Variants in SLC25A33 observed in about 807,000 individuals in gnomAD.
SLC25A33 encodes the protein bone marrow stromal cell mitochondrial carrier protein.
A neutral mutation model predicts 35.5 loss-of-function variants in SLC25A33; 15 were observed. That is an observed-to-expected ratio of 0.42 (90% CI 0.28 to 0.65). The LOEUF (loss-of-function observed/expected upper bound fraction) is 0.65. Among genes scored for constraint, SLC25A33 ranks in the 30% least tolerant of loss-of-function variants. The pLI is 0.20. For synonymous variants in SLC25A33, 136 were observed against 148.7 expected (o/e 0.91, Z 0.62); for missense variants, 257 against 398.5 (o/e 0.64, Z 3.02).
At chr1:9,549,729 T>G (rs977644830) in intron 1 of SLC25A33, among the ~76,000 whole-genome samples, 8 of 150,564 alleles carry the variant, frequency 5.3e-5, no homozygotes, top group Non-Finnish European at 1.2e-4. Flanking sequence ...CAAGGGATTC[T>G]CCTGCCTCAG....
At chr1:9,581,482 A>G (rs1041840448) in intron 6 of SLC25A33, among the ~76,000 whole-genome samples, 4 of 152,194 alleles carry the variant, frequency 2.6e-5, no homozygotes, top group African/African-American at 4.8e-5. Context: ...TAATCCCAGC[A>G]CTTTGGGAGG....
At chr1:9,541,011 C>A (rs1256233113) in intron 1 of SLC25A33, among the ~76,000 whole-genome samples, 3 of 151,802 alleles carry the variant, frequency 2.0e-5, no homozygotes, top group Non-Finnish European at 4.4e-5. Context: ...AGGGAGTCTT[C>A]CTCTGTCGCC....
Position 9,570,261 on chromosome 1 carries a change from T to C in SLC25A33, c.318T>C (p.Ala106=), listed in dbSNP as rs774986452. 2 of 1,613,348 alleles carry C rather than the reference T, an allele frequency of 1.2e-6. No individual in the cohort carries two copies. The highest frequency in any genetic ancestry group is 1.7e-6 in the Non-Finnish European group (2 of 1,179,570). ...PNLVGVAPSR[A]VYFACYSKAK... ...AATGTTCTCTTTGTTCTAACAGGGC[T>C]GTATACTTTGCATGTTACTCCAAAG... The change falls in exon 4 of 7, where the codon GCT becomes GCC. Residue 106 remains alanine (A), a synonymous_variant. Coordinates refer to ENST00000302692, the MANE Select transcript of SLC25A33 (RefSeq NM_032315.3).
At chr1:9,567,780 G>A (rs1378209563) in intron 3 of SLC25A33, among the ~76,000 whole-genome samples, 1 of 152,174 alleles carries the variant, frequency 6.6e-6, no homozygotes, top group Non-Finnish European at 1.5e-5. Flanking sequence ...CTGATCCAGA[G>A]GAATTGTAAA....
rs1191722410 is a variant in SLC25A33, at chr1:9,578,614, G to A, written c.483-1340G>A. On this transcript the variant is annotated intron_variant, in intron 5 of 6. Transcript: ENST00000302692. This position sits in a 1 kb window ranked among gnomAD's most constrained non-coding sequence, Gnocchi z 4.3. ...AATAAGTAGCCTCACCAACAGGTTG[G>A]AATGTTCCTATTTTTCTTTCTTATT... is the stretch of plus-strand genomic sequence containing the variant. Among the ~76,000 whole-genome samples the A allele has an allele frequency of 6.6e-6, 1 of 152,174 alleles. No homozygotes were observed. The highest frequency in any genetic ancestry group is 1.5e-5 in the Non-Finnish European group (1 of 68,032).
In SLC25A33 at chr1:9,539,540, G is replaced by A; in HGVS notation, c.-152G>A. ...CGCCGCGGAAGGCGCGGGCCGAGCAGAGCCGGGCGTTGGAGCCCGCGCGCG... is the reference window on the plus strand; with the variant it reads ...CGCCGCGGAAGGCGCGGGCCGAGCAAAGCCGGGCGTTGGAGCCCGCGCGCG... On this transcript the variant is annotated 5_prime_UTR_variant, in exon 1 of 7. Coordinates refer to ENST00000302692, the MANE Select transcript of SLC25A33 (RefSeq NM_032315.3). 1 of 424,892 alleles carries A rather than the reference G, an allele frequency of 2.4e-6. No homozygotes were observed. Among genetic ancestry groups the A allele is most frequent in the Non-Finnish European group, 3.6e-6 (1 of 279,686 alleles). The allele number at this position is 424,892 out of a possible 1,614,324, so 26.3% of individuals were successfully genotyped here.
intron 1 of SLC25A33, among the ~76,000 whole-genome samples, chr1:9,552,910 C>CTTT (rs58092940): frequency 2.0e-3 from 188 of 94,180 alleles, no homozygotes; most frequent in East Asian, 2.7e-3. Context: ...GGGATTTCAA[C>CTTT]TTTTTTTTTT....
In SLC25A33 at chr1:9,544,718, A is replaced by G. The variant is rs1457383609; in HGVS notation, c.56+4971A>G. Among the ~76,000 whole-genome samples, 3 of 152,212 alleles carry G rather than the reference A, an allele frequency of 2.0e-5. No individual in the cohort carries two copies. In the South Asian group the frequency reaches 6.2e-4, roughly 31 times the overall value. Reference sequence around the variant, plus strand: ...GGATTGCAGGATGTCTGGCAGTATCATTTGTTGGCAAAATGTGGATAAGCT... The same window carrying G: ...GGATTGCAGGATGTCTGGCAGTATCGTTTGTTGGCAAAATGTGGATAAGCT... On this transcript the variant is annotated intron_variant, in intron 1 of 6. Coordinates refer to ENST00000302692, the MANE Select transcript of SLC25A33 (RefSeq NM_032315.3).
At chr1:9,560,110 G>T (rs372175916) in intron 2 of SLC25A33, among the ~76,000 whole-genome samples, 23 of 152,128 alleles carry the variant, frequency 1.5e-4, no homozygotes, top group African/African-American at 5.5e-4. Flanking sequence ...AAACCAGCCG[G>T]ACATGGCAGC....
intron 4 of SLC25A33, 146 bp downstream of exon 4, chr1:9,570,504 TAGG>T: frequency 3.0e-6 from 2 of 662,802 alleles, no homozygotes; most frequent in Non-Finnish European, 5.1e-6. Context: ...TTACAACCAA[TAGG>T]AGAGTGAGAG....
intron 1 of SLC25A33, among the ~76,000 whole-genome samples, chr1:9,545,507 C>G (rs1457904424): frequency 6.6e-6 from 1 of 152,056 alleles, no homozygotes; most frequent in African/African-American, 2.4e-5. Flanking sequence ...AAGCGATTCT[C>G]CTGCCTCAGC....
intron 2 of SLC25A33, among the ~76,000 whole-genome samples, chr1:9,560,777 T>C (rs955827994): frequency 6.6e-5 from 10 of 151,920 alleles, no homozygotes; most frequent in Non-Finnish European, 1.3e-4. Context: ...TTTTTAATAG[T>C]TACTTAAAAA....
chr1:9,565,094 C>T (rs142371304), intron 2 of SLC25A33, among the ~76,000 whole-genome samples: 8 of 151,988 alleles, frequency 5.3e-5, no homozygotes, highest in East Asian at 1.9e-4. Flanking sequence ...CAGGGCCTGA[C>T]GGGAGGGAGG....
chr1:9,546,393 C>T (rs1217682506), intron 1 of SLC25A33, among the ~76,000 whole-genome samples: 1 of 151,790 alleles, frequency 6.6e-6, no homozygotes, highest in Non-Finnish European at 1.5e-5. Context: ...ACCGTGTTAG[C>T]CAGGATGGTC....
intron 1 of SLC25A33, among the ~76,000 whole-genome samples, chr1:9,541,458 T>C (rs1643080896): frequency 6.6e-6 from 1 of 152,102 alleles, no homozygotes. Context: ...CACGCCCAGC[T>C]AATTTTTTTG....
intron 1 of SLC25A33, among the ~76,000 whole-genome samples, chr1:9,552,447 G>A (rs1015993361): frequency 6.6e-6 from 1 of 151,966 alleles, no homozygotes; most frequent in Non-Finnish European, 1.5e-5. Flanking sequence ...GGCCAGGCTG[G>A]TCTCGAACTC....
intron 3 of SLC25A33, 23 bp downstream of exon 3, chr1:9,567,384 A>G: frequency 6.2e-7 from 1 of 1,606,972 alleles, no homozygotes; most frequent in Non-Finnish European, 8.5e-7. Flanking sequence ...CTTTCCAGCT[A>G]GCTCATGCTA....
At chr1:9,561,040 C>G (rs906994525) in intron 2 of SLC25A33, among the ~76,000 whole-genome samples, 2 of 151,220 alleles carry the variant, frequency 1.3e-5, no homozygotes, top group Admixed American at 6.6e-5. Context: ...ACCTCTGTCT[C>G]CCGGATTCAA....
rs112195824 is a variant in SLC25A33 at position 9,547,802 on chromosome 1, C to CT, written c.57-5810dup. Among the ~76,000 whole-genome samples the CT allele has an allele frequency of 1.6e-3, 229 of 143,676 alleles. 2 individuals are homozygous for CT. Among genetic ancestry groups the CT allele is most frequent in the Middle Eastern group, 0.015 (4 of 272 alleles). The allele number at this position is 143,676 out of a possible 152,430, so 94.3% of individuals were successfully genotyped here. ...CTGGTTTAGAATAGTGGCCTTCAAA[C>CT]TTTTTTTTTTTTTTAAGTTTTTGTG... On this transcript the variant is annotated intron_variant, in intron 1 of 6. Transcript: ENST00000302692.
Sources: gnomAD v4.1 joint callset for allele counts (sites outside exome capture counted in the v4.1 genomes callset) on GRCh38, gnomAD v4.1.1 for gene constraint, Gnocchi (gnomAD v3.1) non-coding constraint, MANE v1.5 for transcripts, NCBI Gene and HGNC (gene_info 2026-07-23, HGNC 2026-07-21) for gene names.